The following AMMECR1 variants were observed in gnomAD, a reference collection of about 807,000 sequenced individuals.
AMMECR1 encodes the protein nuclear protein AMMECR1.
Under a neutral mutation model 22.5 loss-of-function variants are expected in AMMECR1, and 3 were observed. The ratio of observed to expected loss-of-function variants is 0.13; its 90% CI spans 0.06 to 0.35. AMMECR1 has a LOEUF of 0.35. Among genes scored for constraint, AMMECR1 ranks in the 10% least tolerant of loss-of-function variants. The probability of loss-of-function intolerance (pLI) is 1.00; values close to 1 mark genes in which losing one functional copy is unlikely to be tolerated. For missense variants in AMMECR1, 235 were observed against 278.7 expected, an observed-to-expected ratio of 0.84 and a Z score of 1.12; for synonymous variants, 130 against 116.7, an observed-to-expected ratio of 1.11 and a Z score of -0.74.
In AMMECR1 at chrX:110,407,812, CA is replaced by C. The variant is rs998632087; in HGVS notation, c.-148+18845del. ...CTGACTCTCATTTTCTTTCTATTTG[CA>C]GAAGATAATTCTTTCCTGTTTCAAT... is the stretch of plus-strand genomic sequence containing the variant. On this transcript the variant is annotated intron_variant, in intron 2 of 7. Transcript: ENST00000372057. Among the ~76,000 whole-genome samples, 6 of 112,539 alleles carry C rather than the reference CA, an allele frequency of 5.3e-5. No individual in the cohort carries two copies. In the Admixed American group the frequency reaches 5.6e-4, roughly 11 times the overall value.
At chrX:110,218,987 T>C (rs1252782517) in intron 2 of AMMECR1, among the ~76,000 whole-genome samples, 1 of 112,092 alleles carries the variant, frequency 8.9e-6, no homozygotes, top group East Asian at 2.8e-4. Context: ...ATTCTTTTCA[T>C]TGCCTAATAA....
chrX:110,434,829 C>G (rs2068824740), intron 1 of AMMECR1, among the ~76,000 whole-genome samples: 1 of 110,370 alleles, frequency 9.1e-6, no homozygotes, highest in Non-Finnish European at 1.9e-5. Flanking sequence ...GGTTTCTCCT[C>G]TCCCATTTTA....
intron 2 of AMMECR1, among the ~76,000 whole-genome samples, chrX:110,384,991 T>C (rs2068445080): frequency 1.8e-5 from 2 of 110,856 alleles, no homozygotes; most frequent in African/African-American, 6.6e-5. Flanking sequence ...GAAGACACTT[T>C]GAAAGCCTAA....
intron 2 of AMMECR1, among the ~76,000 whole-genome samples, chrX:110,409,685 G>A (rs1048565060): frequency 4.6e-5 from 5 of 107,692 alleles, no homozygotes; most frequent in African/African-American, 1.4e-4. Flanking sequence ...TCAATAATAC[G>A]TGTACTCCTT....
intron 3 of AMMECR1, among the ~76,000 whole-genome samples, chrX:110,213,159 G>A (rs2067456157): frequency 8.9e-6 from 1 of 111,766 alleles, no homozygotes; most frequent in African/African-American, 3.3e-5. Context: ...ACAATTCAGT[G>A]GTATTAAATA....
intron 2 of AMMECR1, among the ~76,000 whole-genome samples, chrX:110,398,868 G>A (rs776445128): frequency 1.8e-5 from 2 of 112,177 alleles, no homozygotes; most frequent in African/African-American, 3.2e-5. Context: ...TTCATTTGCC[G>A]ACTTTAATTG....
At chrX:110,409,138 G>C (rs1164335938) in intron 2 of AMMECR1, among the ~76,000 whole-genome samples, 3 of 111,472 alleles carry the variant, frequency 2.7e-5, no homozygotes, top group Non-Finnish European at 5.6e-5. Flanking sequence ...GCTGGAGTCA[G>C]GCATGTAGGT....
At chrX:110,418,898 C>T (rs893895825) in intron 2 of AMMECR1, among the ~76,000 whole-genome samples, 1 of 110,575 alleles carries the variant, frequency 9.0e-6, no homozygotes, top group Non-Finnish European at 1.9e-5. Context: ...GGCCTGAGCC[C>T]ACCCCCGCCC....
At chrX:110,364,697 C>T (rs2068285608) in intron 2 of AMMECR1, among the ~76,000 whole-genome samples, 1 of 111,471 alleles carries the variant, frequency 9.0e-6, no homozygotes, top group Non-Finnish European at 1.9e-5. Context: ...CTGAATAGGA[C>T]CAAGGTCCAT....
intron 2 of AMMECR1, among the ~76,000 whole-genome samples, chrX:110,344,038 C>T (rs2068177090): frequency 8.9e-6 from 1 of 111,809 alleles, no homozygotes; most frequent in Non-Finnish European, 1.9e-5. Context: ...ATTGCCAAAT[C>T]AATCCTAAGC....
intron 2 of AMMECR1, among the ~76,000 whole-genome samples, chrX:110,356,959 A>C (rs1011808554): frequency 8.9e-6 from 1 of 111,862 alleles, no homozygotes; most frequent in African/African-American, 3.2e-5. Context: ...AAATATTGAA[A>C]TGAGTAGCTC....
chrX:110,317,484 C>T (rs1461884287), intron 1 of AMMECR1, 115 bp downstream of exon 1: 67 of 1,062,167 alleles, frequency 6.3e-5, no homozygotes, highest in Non-Finnish European at 8.0e-5. Flanking sequence ...TCCGGGGACC[C>T]GGGCAGCGAG....
intron 2 of AMMECR1, among the ~76,000 whole-genome samples, chrX:110,246,118 T>C (rs777474750): frequency 8.9e-6 from 1 of 112,194 alleles, no homozygotes; most frequent in African/African-American, 3.2e-5. Context: ...GTACAATTAG[T>C]ACATATAGAT....
intron 1 of AMMECR1, among the ~76,000 whole-genome samples, chrX:110,283,257 A>G (rs1471709373): frequency 8.9e-6 from 1 of 112,132 alleles, no homozygotes; most frequent in African/African-American, 3.2e-5. Flanking sequence ...TGTAAACTAA[A>G]GACATCTTTG....
intron 2 of AMMECR1, among the ~76,000 whole-genome samples, chrX:110,397,203 C>T (rs2068534109): frequency 9.0e-6 from 1 of 111,123 alleles, no homozygotes; most frequent in African/African-American, 3.3e-5. Context: ...TGAGCTTGAT[C>T]TCCATGTCTA....
In AMMECR1 at chrX:110,270,568, T is replaced by C. The variant is rs934400771; in HGVS notation, c.474-5969A>G. Among the ~76,000 whole-genome samples, 43 of 111,786 alleles carry C rather than the reference T, an allele frequency of 3.8e-4. 1 individual carries two copies. The highest frequency in any genetic ancestry group is 5.7e-5 in the Non-Finnish European group (3 of 53,076). On this transcript the variant is annotated intron_variant, in intron 1 of 5. Transcript: ENST00000262844. Reference sequence around the variant, plus strand: ...ATAGGAAAATCCTATGAATACTACATAGCACCACACAGGTGAGCATAAGCA... The same window carrying C: ...ATAGGAAAATCCTATGAATACTACACAGCACCACACAGGTGAGCATAAGCA...
chrX:110,277,658 A>G (rs1031775927), intron 1 of AMMECR1, among the ~76,000 whole-genome samples: 1 of 112,129 alleles, frequency 8.9e-6, no homozygotes, highest in African/African-American at 3.2e-5. Flanking sequence ...TTAGAAGAAT[A>G]TAAAATGACT....
At chrX:110,409,851 G>A (rs2068629475) in intron 2 of AMMECR1, among the ~76,000 whole-genome samples, 1 of 111,171 alleles carries the variant, frequency 9.0e-6, no homozygotes, top group Non-Finnish European at 1.9e-5. Context: ...TACAGAGGGA[G>A]GTATTGAACC....
intron 2 of AMMECR1, among the ~76,000 whole-genome samples, chrX:110,334,675 A>G (rs1363020938): frequency 8.9e-6 from 1 of 112,234 alleles, no homozygotes; most frequent in Non-Finnish European, 1.9e-5. Flanking sequence ...TCGCTTTCAA[A>G]TGAAAGAAGT....
Sources: gnomAD v4.1 joint callset for allele counts (sites outside exome capture counted in the v4.1 genomes callset) on GRCh38, gnomAD v4.1.1 for gene constraint, MANE v1.5 for transcripts, NCBI Gene and HGNC (gene_info 2026-07-23, HGNC 2026-07-21) for gene names.